RPS6KA5: variants seen among roughly 807,000 people sequenced by gnomAD.
RPS6KA5 encodes ribosomal protein S6 kinase A5.
In RPS6KA5, 27 loss-of-function variants were observed where a neutral mutation model predicts 85.5. That is an observed-to-expected ratio of 0.32 (90% confidence interval 0.23 to 0.44). The LOEUF is 0.44. RPS6KA5 is among the 20% of genes least tolerant of loss of function. RPS6KA5 has a pLI of 1.00. For missense variants in RPS6KA5, 811 were observed against 980.9 expected (o/e 0.83, Z 2.31); for synonymous variants, 334 against 348.2 (o/e 0.96, Z 0.46).
At position 90,850,746 on chromosome 14, in the gene RPS6KA5, C is replaced by T. The variant is rs2031962018; in HGVS notation, c.*21328G>A. Reference sequence around the variant, plus strand: ...ATTGCACTGGGTGAGCTCTAAGGCTCCTAAACTCTAAGATTCTCGTATGTG... The same window carrying T: ...ATTGCACTGGGTGAGCTCTAAGGCTTCTAAACTCTAAGATTCTCGTATGTG... On this transcript the variant is annotated 3_prime_UTR_variant, in exon 17 of 17. Coordinates refer to ENST00000614987, the MANE Select transcript of RPS6KA5 (RefSeq NM_004755.4). 6.6e-6 allele frequency: 1 copy of T among 152,164 alleles called. No homozygotes were observed. The highest frequency in any genetic ancestry group is 6.5e-5 in the Admixed American group (1 of 15,276). The allele number at this position is 152,164 out of a possible 1,614,324, so 9.4% of individuals were successfully genotyped here. A position where few individuals can be genotyped will look rare whatever the true frequency, so the allele number is the denominator to read the frequency against.
At position 90,870,089 on chromosome 14, in the gene RPS6KA5, C is replaced by T. The variant is rs2033002935; in HGVS notation, c.*1985G>A. 6.6e-6 allele frequency: 1 copy of T among 152,166 alleles called. No individual in the cohort carries two copies. The highest frequency in any genetic ancestry group is 1.5e-5 in the Non-Finnish European group (1 of 68,028). The allele number at this position is 152,166 out of a possible 1,614,324, so 9.4% of individuals were successfully genotyped here. ...ATCTGTATACTGTCTGACCATTTTT[C>T]TGGATCATTTTCTATTAGCAACATA... On this transcript the variant is annotated 3_prime_UTR_variant, in exon 17 of 17. Transcript: ENST00000614987.
chr14:91,042,446 G>GGTT (rs1237636230), intron 1 of RPS6KA5, among the ~76,000 whole-genome samples: 2 of 152,108 alleles, frequency 1.3e-5, no homozygotes, highest in Non-Finnish European at 2.9e-5. Flanking sequence ...GGGAGGCAGA[G>GGTT]GTTGCAGTGA....
chr14:91,035,888 AGCTG>A (rs1555381740), intron 1 of RPS6KA5, among the ~76,000 whole-genome samples: 2 of 147,294 alleles, frequency 1.4e-5, no homozygotes, highest in Admixed American at 6.8e-5. Flanking sequence ...AAAACCCCAA[AGCTG>A]AAGAATATGG....
chr14:90,995,024 ATACT>A (rs1014406670), intron 2 of RPS6KA5, among the ~76,000 whole-genome samples: 22 of 152,298 alleles, frequency 1.4e-4, no homozygotes, highest in Admixed American at 3.9e-4. Flanking sequence ...AACTAAATTC[ATACT>A]TGCTTGTGTG....
At chr14:90,926,259 C>T (rs1410397287) in intron 5 of RPS6KA5, among the ~76,000 whole-genome samples, 1 of 151,708 alleles carries the variant, frequency 6.6e-6, no homozygotes, top group Non-Finnish European at 1.5e-5. Flanking sequence ...TGCATGGTGG[C>T]ACGTGCCTGT....
At chr14:90,903,985 C>T (rs954809860) in intron 8 of RPS6KA5, among the ~76,000 whole-genome samples, 131 of 147,844 alleles carry the variant, frequency 8.9e-4, no homozygotes, top group African/African-American at 3.2e-3. Flanking sequence ...CTCGCTCTGT[C>T]GCCCAGGCTG....
chr14:91,011,226 G>T (rs1311899035), intron 1 of RPS6KA5, among the ~76,000 whole-genome samples: 1 of 152,196 alleles, frequency 6.6e-6, no homozygotes, highest in East Asian at 1.9e-4. Flanking sequence ...GGTGGCTCAT[G>T]CCTGTAATCC....
intron 3 of RPS6KA5, among the ~76,000 whole-genome samples, chr14:90,961,455 G>T (rs1403739040): frequency 6.6e-6 from 1 of 152,150 alleles, no homozygotes; most frequent in Non-Finnish European, 1.5e-5. Flanking sequence ...GCCTCATCAG[G>T]CAGTCGGACT....
At chr14:91,052,141 C>T (rs939987381) in intron 1 of RPS6KA5, among the ~76,000 whole-genome samples, 1 of 150,960 alleles carries the variant, frequency 6.6e-6, no homozygotes, top group African/African-American at 2.4e-5. Context: ...AGTCCACTCC[C>T]TACCTCTGTT....
intron 7 of RPS6KA5, among the ~76,000 whole-genome samples, chr14:90,916,176 A>T (rs1241873671): frequency 6.6e-6 from 1 of 152,212 alleles, no homozygotes; most frequent in Non-Finnish European, 1.5e-5. Context: ...AACTCTATAC[A>T]ACTAAAGTTG....
At chr14:90,980,977 G>T (rs1414600507) in intron 2 of RPS6KA5, among the ~76,000 whole-genome samples, 2 of 152,128 alleles carry the variant, frequency 1.3e-5, no homozygotes, top group East Asian at 3.9e-4. Context: ...TTTGAGACCA[G>T]CCTGATCAAC....
rs199723241 is a variant in RPS6KA5, at chr14:90,923,093, G to A, written c.702+20C>T. The A allele has an allele frequency of 6.5e-7, 1 of 1,528,398 alleles. No homozygotes were observed. The highest frequency in any genetic ancestry group is 9.1e-7 in the Non-Finnish European group (1 of 1,104,772). The allele number at this position is 1,528,398 out of a possible 1,614,324, so 94.7% of individuals were successfully genotyped here. A position where few individuals can be genotyped will look rare whatever the true frequency, so the allele number is the denominator to read the frequency against. ...ACATTTTATAGAAATACATAAAGAA[G>A]CATCAAAAATAGAACATACCTTGTC... On this transcript the variant is annotated intron_variant, in intron 6 of 16. Coordinates refer to ENST00000614987, the MANE Select transcript of RPS6KA5 (RefSeq NM_004755.4).
At chr14:90,940,840 T>C (rs571369176) in intron 5 of RPS6KA5, among the ~76,000 whole-genome samples, 1 of 152,284 alleles carries the variant, frequency 6.6e-6, no homozygotes, top group Admixed American at 6.5e-5. Context: ...GCCAACCCTA[T>C]TGTGAAGTGT....
intron 14 of RPS6KA5, among the ~76,000 whole-genome samples, chr14:90,875,716 G>A (rs1353861646): frequency 1.3e-5 from 2 of 151,658 alleles, no homozygotes; most frequent in South Asian, 2.1e-4. Flanking sequence ...GGAATACTAT[G>A]CAGCCATAAA....
At chr14:90,913,414 T>A (rs368807313) in intron 7 of RPS6KA5, among the ~76,000 whole-genome samples, 1 of 152,222 alleles carries the variant, frequency 6.6e-6, no homozygotes, top group Non-Finnish European at 1.5e-5. Context: ...GCTTTCTTTT[T>A]AATTTATAGC....
intron 2 of RPS6KA5, among the ~76,000 whole-genome samples, chr14:90,994,658 G>A (rs1196564156): frequency 2.3e-5 from 3 of 133,116 alleles, no homozygotes; most frequent in Non-Finnish European, 3.1e-5. Context: ...TGCAAGCTCC[G>A]CCTGCTGGGT....
intron 1 of RPS6KA5, among the ~76,000 whole-genome samples, chr14:91,057,031 C>T (rs1005899371): frequency 6.6e-6 from 1 of 151,396 alleles, no homozygotes; most frequent in African/African-American, 2.4e-5. Flanking sequence ...AGGTACGTGC[C>T]ACCATGCCCA....
Position 90,849,803 on chromosome 14 carries a change from G to C in RPS6KA5, c.*22271C>G, listed in dbSNP as rs533180646. ...TCCCAAAGATGGAACAAAGGGTGACGTTACCCGTTGATGCTAGATGATGTC... is the reference window on the plus strand; with the variant it reads ...TCCCAAAGATGGAACAAAGGGTGACCTTACCCGTTGATGCTAGATGATGTC... On this transcript the variant is annotated 3_prime_UTR_variant, in exon 17 of 17. Coordinates refer to ENST00000614987, the MANE Select transcript of RPS6KA5 (RefSeq NM_004755.4). 1 of 152,194 alleles carries C rather than the reference G, an allele frequency of 6.6e-6. No homozygotes were observed. The highest frequency in any genetic ancestry group is 1.5e-5 in the Non-Finnish European group (1 of 68,046). The allele number at this position is 152,194 out of a possible 1,614,324, so 9.4% of individuals were successfully genotyped here.
chr14:90,899,051 T>C (rs1378302777), intron 12 of RPS6KA5, among the ~76,000 whole-genome samples: 1 of 152,098 alleles, frequency 6.6e-6, no homozygotes, highest in Non-Finnish European at 1.5e-5. Flanking sequence ...AGCCAGTGAC[T>C]GCACCACTGA....
Sources: allele counts gnomAD v4.1 joint callset (sites outside exome capture counted in the v4.1 genomes callset), GRCh38; gene constraint gnomAD v4.1.1; transcripts MANE v1.5; gene names NCBI Gene and HGNC (gene_info 2026-07-23, HGNC 2026-07-21).